The following HTR6 variants were observed in gnomAD, a reference collection of about 807,000 sequenced individuals.
HTR6 encodes 5-hydroxytryptamine (serotonin) receptor 6, G protein-coupled.
Under a neutral mutation model 17.4 loss-of-function variants are expected in HTR6, and 15 were observed. The ratio of observed to expected loss-of-function variants is 0.86; its 90% CI spans 0.58 to 1.33. HTR6 has a LOEUF of 1.33. HTR6 is among the 40% of genes most tolerant of loss of function. The pLI, the probability that HTR6 is intolerant of heterozygous loss-of-function variation, is 0.00. For missense variants in HTR6, 578 were observed against 616.0 expected (o/e 0.94, Z 0.65); for synonymous variants, 326 against 295.5 (o/e 1.10, Z -1.06).
chr1:19,673,105 A>G (rs1347886971), intron 1 of HTR6, among the ~76,000 whole-genome samples: 1 of 152,142 alleles, frequency 6.6e-6, no homozygotes, highest in Non-Finnish European at 1.5e-5. Context: ...CAGCACCATC[A>G]CCATCATTAT....
At position 19,666,320 on chromosome 1, in the gene HTR6, C is replaced by T; in HGVS notation, c.567C>T (p.Val189=). 1.9e-6 allele frequency: 3 copies of T among 1,613,584 alleles called. No homozygotes were observed. Among genetic ancestry groups the T allele is most frequent in the Non-Finnish European group, 2.5e-6 (3 of 1,179,948 alleles). ...QCRLLASLPF[V]LVASGLTFFL... ...GCCTGCTGGCCAGCCTGCCTTTTGT[C>T]CTTGTGGCGTCGGGCCTCACCTTCT... Residue 189 remains valine (V), a synonymous_variant, in exon 1 of 3, where the codon GTC becomes GTT. Transcript: ENST00000289753. This position sits in a 1 kb window ranked among gnomAD's most constrained non-coding sequence, Gnocchi z 4.5.
intron 1 of HTR6, among the ~76,000 whole-genome samples, chr1:19,667,724 A>C (rs538992928): frequency 1.4e-3 from 213 of 152,320 alleles, no homozygotes; most frequent in African/African-American, 4.8e-3. Context: ...AGGTGCTCTT[A>C]GCTCAAGGCC....
In HTR6 at chr1:19,666,888, G is replaced by T. The variant is rs2095082306; in HGVS notation, c.714+421G>T. On this transcript the variant is annotated intron_variant, in intron 1 of 2. Coordinates refer to ENST00000289753, the MANE Select transcript of HTR6 (RefSeq NM_000871.3). The surrounding 1 kb of genome is among the most constrained non-coding windows in gnomAD (Gnocchi z 4.5). ...ATCTCCCCTGCCACTTCCTACCGGG[G>T]AGGCTGTGTAGACTTCTCCTGGCTC... Among the ~76,000 whole-genome samples the T allele has an allele frequency of 6.6e-6, 1 of 152,072 alleles. No individual in the cohort carries two copies. Among genetic ancestry groups the T allele is most frequent in the African/African-American group, 2.4e-5 (1 of 41,410 alleles).
At position 19,666,536 on chromosome 1, in the gene HTR6, T is replaced by A; in HGVS notation, c.714+69T>A. 8.6e-7 allele frequency: 1 copy of A among 1,163,000 alleles called. No individual in the cohort carries two copies. The highest frequency in any genetic ancestry group is 1.2e-6 in the Non-Finnish European group (1 of 833,124). The allele number at this position is 1,163,000 out of a possible 1,614,324, so 72.0% of individuals were successfully genotyped here. A position where few individuals can be genotyped will look rare whatever the true frequency, so the allele number is the denominator to read the frequency against. ...GAATGAGCAGCCCCTGGGGACCCCC[T>A]GGGCATCCCCACTTAGCACACATTT... On this transcript the variant is annotated intron_variant, in intron 1 of 2. Transcript: ENST00000289753. The surrounding 1 kb of genome is among the most constrained non-coding windows in gnomAD (Gnocchi z 4.5).
chr1:19,673,634 GT>G (rs1203620674), intron 1 of HTR6, among the ~76,000 whole-genome samples: 6 of 152,188 alleles, frequency 3.9e-5, no homozygotes, highest in African/African-American at 1.4e-4. Context: ...GGAGGCAGAG[GT>G]TGTGGTGAGC....
chr1:19,672,323 C>G (rs2095089203), intron 1 of HTR6, among the ~76,000 whole-genome samples: 1 of 152,102 alleles, frequency 6.6e-6, no homozygotes, highest in African/African-American at 2.4e-5. Context: ...TTCCTCCTCC[C>G]CCTCCTTTTT....
At position 19,665,884 on chromosome 1, in the gene HTR6, A is replaced by C. The variant is rs898548076; in HGVS notation, c.131A>C (p.Asn44Thr). The C allele has an allele frequency of 3.8e-5, 61 of 1,608,642 alleles. No homozygotes were observed. The highest frequency in any genetic ancestry group is 5.2e-5 in the Non-Finnish European group (61 of 1,178,176). ...GTCATCGCGCTGACGGCGGCGGCCA[A>C]CTCGCTGCTGATCGCGCTCATCTGC... ...CVVIALTAAA[N>T]SLLIALICTQ... is the part of the protein sequence containing the mutation. The change falls in exon 1 of 3, where the codon AAC becomes ACC. Residue 44 changes from asparagine (N) to threonine (T), a missense_variant. Asn to Thr is a moderately conservative substitution (Grantham distance 65). Coordinates refer to ENST00000289753, the MANE Select transcript of HTR6 (RefSeq NM_000871.3). This position sits in a 1 kb window ranked among gnomAD's most constrained non-coding sequence, Gnocchi z 4.2.
In HTR6 at chr1:19,678,655, T is replaced by C; in HGVS notation, c.803T>C (p.Leu268Pro). Residue 268 changes from leucine (L) to proline (P), a missense_variant, in exon 2 of 3, where the codon CTG becomes CCG. By Grantham distance (98) the Leu-to-Pro change is moderately conservative (BLOSUM62 -3). Coordinates refer to ENST00000289753, the MANE Select transcript of HTR6 (RefSeq NM_000871.3). ...KHSRKALKAS[L>P]TLGILLGMFF... is the part of the protein sequence containing the mutation. ...AGCAGGAAGGCCCTGAAGGCCAGCC[T>C]GACGCTGGGCATCCTGCTGGGCATG... 6.2e-7 allele frequency: 1 copy of C among 1,613,888 alleles called. No homozygotes were observed. Among genetic ancestry groups the C allele is most frequent in the Non-Finnish European group, 8.5e-7 (1 of 1,179,990 alleles).
rs1290072501 is a variant in HTR6, at chr1:19,666,094, T to A, written c.341T>A (p.Ile114Asn). 6.2e-7 allele frequency: 1 copy of A among 1,612,714 alleles called. No homozygotes were observed. The highest frequency in any genetic ancestry group is 2.2e-5 in the East Asian group (1 of 44,874). The change falls in exon 1 of 3, where the codon ATC becomes AAC. Residue 114 changes from isoleucine to asparagine, a missense_variant. Ile to Asn is a moderately radical substitution (Grantham distance 149). Transcript: ENST00000289753. The surrounding 1 kb of genome is among the most constrained non-coding windows in gnomAD (Gnocchi z 4.5). ...AFDVMCCSASILNLCLISLDR... is the reference protein window; with the variant it reads ...AFDVMCCSASNLNLCLISLDR... ...GACGTGATGTGCTGCAGCGCCTCCA[T>A]CCTCAACCTCTGCCTCATCAGCCTG... is the stretch of plus-strand genomic sequence containing the variant.
In HTR6 at chr1:19,678,563, G is replaced by C; in HGVS notation, c.715-4G>C. The C allele has an allele frequency of 6.2e-7, 1 of 1,612,302 alleles. No individual in the cohort carries two copies. Among genetic ancestry groups the C allele is most frequent in the East Asian group, 2.2e-5 (1 of 44,880 alleles). On this transcript the variant is annotated splice_polypyrimidine_tract_variant and splice_region_variant and intron_variant, in intron 1 of 2. Transcript: ENST00000289753. Reference sequence around the variant, plus strand: ...ACGGACTCATGTGGCCTTCCTTTCCGCAGGTGCCCAGGACCCCACGCCCAG... The same window carrying C: ...ACGGACTCATGTGGCCTTCCTTTCCCCAGGTGCCCAGGACCCCACGCCCAG...
At position 19,680,871 on chromosome 1, in the gene HTR6, C is replaced by T. The variant is rs533010124; in HGVS notation, c.*1503C>T. Among the ~76,000 whole-genome samples the T allele has an allele frequency of 4.4e-3, 672 of 152,338 alleles. 3 individuals carry two copies. The highest frequency in any genetic ancestry group is 5.6e-3 in the Non-Finnish European group (382 of 68,032). ...TGCTGATGAGACACAACTCTGGCCC[C>T]GGCGGCTGGCCTCTGAGGGGCCATG... On this transcript the variant is annotated 3_prime_UTR_variant, in exon 3 of 3. Transcript: ENST00000289753.
rs112184676 is a variant in HTR6, at chr1:19,671,964, A to G, written c.714+5497A>G. The stretch of plus-strand genomic sequence containing the variant: ...GAGCCGTGGGGCAGAGTGAGGAGCT[A>G]CCAGGGCAGGGGAGTGTGTGTGTTG... On this transcript the variant is annotated intron_variant, in intron 1 of 2. Transcript: ENST00000289753. Among the ~76,000 whole-genome samples, 1,333 of 151,966 alleles carry G rather than the reference A, an allele frequency of 8.8e-3. 22 individuals are homozygous for G. The highest frequency in any genetic ancestry group is 0.031 in the African/African-American group (1,265 of 41,446).
intron 1 of HTR6, among the ~76,000 whole-genome samples, chr1:19,672,422 G>GGAA (rs1412364897): frequency 2.0e-5 from 3 of 151,264 alleles, no homozygotes; most frequent in Non-Finnish European, 4.4e-5. Flanking sequence ...CAGAGGAGGA[G>GGAA]GCTGTGATCA....
chr1:19,671,738 G>A (rs1046007505), intron 1 of HTR6, among the ~76,000 whole-genome samples: 1 of 152,198 alleles, frequency 6.6e-6, no homozygotes, highest in African/African-American at 2.4e-5. Flanking sequence ...CGAGGCCCCA[G>A]TTCCTCTGGG....
chr1:19,669,402 C>T (rs1489463892), intron 1 of HTR6, among the ~76,000 whole-genome samples: 3 of 152,190 alleles, frequency 2.0e-5, no homozygotes, highest in Non-Finnish European at 4.4e-5. Flanking sequence ...TCAAGTACTA[C>T]CAGCACCCCT....
chr1:19,678,480 A>G, intron 1 of HTR6, 87 bp from the exon 2 acceptor site: 1 of 1,508,800 alleles, frequency 6.6e-7, no homozygotes, highest in Admixed American at 1.7e-5. Flanking sequence ...TCAGTCTAGA[A>G]TTAGGATTGA....
intron 1 of HTR6, among the ~76,000 whole-genome samples, chr1:19,672,591 G>A (rs1464368197): frequency 6.6e-6 from 1 of 152,158 alleles, no homozygotes; most frequent in Non-Finnish European, 1.5e-5. Context: ...TAGGGTTCAA[G>A]CCCTGCCTCT....
At chr1:19,677,030 T>C (rs1405836585) in intron 1 of HTR6, among the ~76,000 whole-genome samples, 1 of 152,154 alleles carries the variant, frequency 6.6e-6, no homozygotes, top group Non-Finnish European at 1.5e-5. Flanking sequence ...AAATCCACGT[T>C]GATTACAGAA....
chr1:19,674,318 C>G (rs567686291), intron 1 of HTR6, among the ~76,000 whole-genome samples: 21 of 151,634 alleles, frequency 1.4e-4, no homozygotes, highest in Non-Finnish European at 2.6e-4. Context: ...TCATGGAGAT[C>G]TTTTCATTTG....
Sources: gnomAD v4.1 joint callset for allele counts (sites outside exome capture counted in the v4.1 genomes callset) on GRCh38, gnomAD v4.1.1 for gene constraint, Gnocchi (gnomAD v3.1) non-coding constraint, MANE v1.5 for transcripts, NCBI Gene and HGNC (gene_info 2026-07-23, HGNC 2026-07-21) for gene names.